Variants in NELL1 observed in about 807,000 individuals in gnomAD.
NELL1 encodes neural EGFL like 1, also known as protein kinase C-binding protein NELL1.
A neutral mutation model predicts 107.4 loss-of-function variants in NELL1; 76 were observed. The ratio of observed to expected loss-of-function variants is 0.71; its 90% CI spans 0.59 to 0.86. The LOEUF (loss-of-function observed/expected upper bound fraction) is 0.86. Among genes scored for constraint, NELL1 ranks in the 40% least tolerant of loss-of-function variants. The pLI is 0.00. For missense variants in NELL1, 1,024 were observed against 1,005.5 expected (o/e 1.02, Z -0.25); for synonymous variants, 353 against 341.2 (o/e 1.03, Z -0.38).
chr11:21,489,380 C>CAGAAA (rs1491301138), intron 15 of NELL1, among the ~76,000 whole-genome samples: 2 of 47,800 alleles, frequency 4.2e-5, no homozygotes, highest in Non-Finnish European at 8.1e-5. Flanking sequence ...GAAAGTATTT[C>CAGAAA]AAAAAAAAAA....
At chr11:20,751,964 T>C (rs1856150787) in intron 2 of NELL1, among the ~76,000 whole-genome samples, 2 of 152,232 alleles carry the variant, frequency 1.3e-5, no homozygotes, top group African/African-American at 4.8e-5. Context: ...TTTTTTTCTT[T>C]TTTAATGTGG....
chr11:21,454,972 C>T (rs1206713891), intron 15 of NELL1, among the ~76,000 whole-genome samples: 2 of 152,214 alleles, frequency 1.3e-5, no homozygotes, highest in Non-Finnish European at 2.9e-5. Context: ...TTTGTATTTA[C>T]TCACATATTT....
chr11:21,297,206 T>A (rs1849393789), intron 14 of NELL1, among the ~76,000 whole-genome samples: 1 of 151,970 alleles, frequency 6.6e-6, no homozygotes, highest in African/African-American at 2.4e-5. Flanking sequence ...GATAGTATTA[T>A]GGAAAGAAAT....
At chr11:20,824,943 A>G (rs1857846922) in intron 3 of NELL1, among the ~76,000 whole-genome samples, 2 of 151,362 alleles carry the variant, frequency 1.3e-5, no homozygotes, top group Admixed American at 6.6e-5. Flanking sequence ...CTAAGACAAT[A>G]TGGAAAATGT....
chr11:21,261,528 GC>G (rs149879616), intron 14 of NELL1, among the ~76,000 whole-genome samples: 4,390 of 151,690 alleles, frequency 0.029, 73 homozygotes, highest in Admixed American at 0.053. Flanking sequence ...CATATATTTA[GC>G]CCTCACAAAA....
At chr11:20,883,898 T>C (rs535975021) in intron 4 of NELL1, among the ~76,000 whole-genome samples, 1 of 152,210 alleles carries the variant, frequency 6.6e-6, no homozygotes, top group African/African-American at 2.4e-5. Flanking sequence ...TGTATCATGC[T>C]CCTGTGTTAA....
At chr11:21,107,961 G>T (rs573732847) in intron 12 of NELL1, among the ~76,000 whole-genome samples, 1 of 152,254 alleles carries the variant, frequency 6.6e-6, no homozygotes, top group East Asian at 1.9e-4. Context: ...ATCCTCTTTG[G>T]AGTCATAAGA....
At chr11:20,861,791 T>C (rs1848984497) in intron 4 of NELL1, among the ~76,000 whole-genome samples, 1 of 152,142 alleles carries the variant, frequency 6.6e-6, no homozygotes, top group Non-Finnish European at 1.5e-5. Context: ...GCTTTTGGAG[T>C]TGGGCAGAAC....
intron 12 of NELL1, among the ~76,000 whole-genome samples, chr11:21,059,976 C>T (rs1028241398): frequency 2.6e-5 from 4 of 152,128 alleles, no homozygotes; most frequent in Admixed American, 1.3e-4. Context: ...TTAAAAAGCT[C>T]TTATTTTCTC....
intron 13 of NELL1, among the ~76,000 whole-genome samples, chr11:21,119,830 CT>C (rs1855323784): frequency 6.6e-6 from 1 of 152,080 alleles, no homozygotes. Flanking sequence ...TGGCCTCTGA[CT>C]TTCATTTATC....
intron 14 of NELL1, among the ~76,000 whole-genome samples, chr11:21,279,529 C>G (rs1225915226): frequency 4.6e-5 from 7 of 152,116 alleles, no homozygotes; most frequent in Admixed American, 4.6e-4. Context: ...TATTAAGGAA[C>G]TACAAACTAA....
intron 16 of NELL1, among the ~76,000 whole-genome samples, chr11:21,543,433 A>T (rs1235727281): frequency 1.2e-4 from 18 of 152,044 alleles, no homozygotes; most frequent in Admixed American, 1.1e-3. Flanking sequence ...AAAGTTTCAG[A>T]TGGACAGAGA....
chr11:21,235,175 T>G (rs1351882323), intron 14 of NELL1, among the ~76,000 whole-genome samples: 1 of 152,020 alleles, frequency 6.6e-6, no homozygotes, highest in Admixed American at 6.6e-5. Flanking sequence ...TTAGACAAAA[T>G]ATTGGAAAGA....
Position 20,770,576 on chromosome 11 carries a change from A to T in NELL1, c.185-13104A>T, listed in dbSNP as rs530796346. On this transcript the variant is annotated intron_variant, in intron 2 of 19. Transcript: ENST00000357134. ...CAAACACCCTGTGGCCAACACAGAT[A>T]GATAAATAGTGAGGGAGACCTCCTC... Among the ~76,000 whole-genome samples the T allele has an allele frequency of 1.0e-3, 152 of 152,342 alleles. 1 individual carries two copies. The highest frequency in any genetic ancestry group is 3.4e-3 in the Middle Eastern group (1 of 294).
chr11:21,024,796 C>T (rs1265015946), intron 12 of NELL1, among the ~76,000 whole-genome samples: 3 of 152,216 alleles, frequency 2.0e-5, no homozygotes, highest in East Asian at 1.9e-4. Context: ...GACTATTCTT[C>T]CACCTTTCCT....
At position 21,113,631 on chromosome 11, in the gene NELL1, A is replaced by G. The variant is rs1383780298; in HGVS notation, c.1343A>G (p.Asn448Ser). The G allele has an allele frequency of 1.2e-6, 2 of 1,612,166 alleles. No homozygotes were observed. The highest frequency in any genetic ancestry group is 1.7e-6 in the Non-Finnish European group (2 of 1,178,738). ...GCTAAGATGCATTACTGTCATGCCA[A>G]TACTGTGTGTGTCAACCTTCCTGGG... ...CAAKMHYCHA[N>S]TVCVNLPGLY... Residue 448 changes from asparagine (N) to serine (S), a missense_variant, in exon 13 of 20, where the codon AAT (asparagine) becomes AGT (serine). Coordinates refer to ENST00000357134, the MANE Select transcript of NELL1 (RefSeq NM_006157.5).
At chr11:21,135,445 G>A (rs766127243) in intron 13 of NELL1, among the ~76,000 whole-genome samples, 18 of 152,106 alleles carry the variant, frequency 1.2e-4, no homozygotes, top group Non-Finnish European at 2.2e-4. Flanking sequence ...TATATGACCA[G>A]ATTTACCAAC....
chr11:21,325,996 T>C (rs1225343964), intron 14 of NELL1, among the ~76,000 whole-genome samples: 1 of 150,496 alleles, frequency 6.6e-6, no homozygotes, highest in Non-Finnish European at 1.5e-5. Flanking sequence ...TATTTAATTA[T>C]ATGAATAGAC....
chr11:21,068,820 A>G (rs565575020), intron 12 of NELL1, among the ~76,000 whole-genome samples: 1 of 152,274 alleles, frequency 6.6e-6, no homozygotes, highest in Non-Finnish European at 1.5e-5. Flanking sequence ...TTGAATACCT[A>G]AAGTTTGCCT....
Sources: gnomAD v4.1 joint callset for allele counts (sites outside exome capture counted in the v4.1 genomes callset) on GRCh38, gnomAD v4.1.1 for gene constraint, MANE v1.5 for transcripts, NCBI Gene and HGNC (gene_info 2026-07-23, HGNC 2026-07-21) for gene names.